The following ADARB2 variants were observed in gnomAD, a reference collection of about 807,000 sequenced individuals.
The protein encoded by ADARB2 is adenosine deaminase RNA specific B2 (inactive).
In ADARB2, 25 loss-of-function variants were observed where a neutral mutation model predicts 62.2. The ratio of observed to expected loss-of-function variants is 0.40; its 90% CI spans 0.29 to 0.56. ADARB2 has a LOEUF of 0.56. Among genes scored for constraint, ADARB2 ranks in the 20% least tolerant of loss-of-function variants. The pLI is 0.43. For missense variants in ADARB2, 1,071 were observed against 1,077.4 expected, an observed-to-expected ratio of 0.99 and a Z score of 0.08; for synonymous variants, 572 against 500.8, an observed-to-expected ratio of 1.14 and a Z score of -1.90.
intron 1 of ADARB2, among the ~76,000 whole-genome samples, chr10:1,452,346 T>G (rs1237945509): frequency 6.6e-6 from 1 of 152,038 alleles, no homozygotes; most frequent in Admixed American, 6.6e-5. Flanking sequence ...GTAATAATAA[T>G]AATAACAATA....
At chr10:1,626,203 C>T (rs574431243) in intron 1 of ADARB2, among the ~76,000 whole-genome samples, 19 of 142,560 alleles carry the variant, frequency 1.3e-4, no homozygotes, top group African/African-American at 4.8e-4. Flanking sequence ...TGCCCACGCT[C>T]GCTCCTGCAT....
intron 1 of ADARB2, among the ~76,000 whole-genome samples, chr10:1,618,928 C>T (rs1833675989): frequency 1.3e-5 from 2 of 152,154 alleles, no homozygotes; most frequent in South Asian, 2.1e-4. Context: ...AAACCCCTGC[C>T]CCCTGCAGCT....
intron 3 of ADARB2, among the ~76,000 whole-genome samples, chr10:1,327,504 GCC>G (rs1448806502): frequency 2.3e-4 from 15 of 65,066 alleles, no homozygotes; most frequent in South Asian, 5.1e-4. Flanking sequence ...CCTCCTCACT[GCC>G]CAGCGCCTCC....
At chr10:1,362,379 C>G (rs374907303) in intron 3 of ADARB2, among the ~76,000 whole-genome samples, 1 of 152,226 alleles carries the variant, frequency 6.6e-6, no homozygotes, top group Non-Finnish European at 1.5e-5. Context: ...TTGTCCAGTT[C>G]TTTGCTCAAG....
Position 1,704,048 on chromosome 10 carries a change from TAAAAG to T in ADARB2, c.100+32998_100+33002del, listed in dbSNP as rs1482516616. ...CAAGTTACCTCAAGAGTTAGTATCT[TAAAAG>T]AACAAACACTATATCTAACTTCCTG... On this transcript the variant is annotated intron_variant, in intron 1 of 9. Coordinates refer to ENST00000381312, the MANE Select transcript of ADARB2 (RefSeq NM_018702.4). The surrounding 1 kb of genome is among the most constrained non-coding windows in gnomAD (Gnocchi z 5.6). Among the ~76,000 whole-genome samples the T allele has an allele frequency of 2.6e-5, 4 of 152,106 alleles. No homozygotes were observed. The East Asian group carries it at 5.8e-4, about 22-fold the overall frequency.
In ADARB2 at chr10:1,456,876, C is replaced by T. The variant is rs147020415; in HGVS notation, c.101-77716G>A. ...ATGGCACGATCTTGGCTCACTGCAG[C>T]CTCCCCATCCCAGGTTCAAGCGATT... On this transcript the variant is annotated intron_variant, in intron 1 of 9. Coordinates refer to ENST00000381312, the MANE Select transcript of ADARB2 (RefSeq NM_018702.4). 4.7e-3 allele frequency among the ~76,000 whole-genome samples: 717 copies of T among 152,226 alleles called. 5 individuals carry two copies. Among genetic ancestry groups the T allele is most frequent in the African/African-American group, 0.017 (687 of 41,526 alleles).
chr10:1,485,634 A>G (rs990804052), intron 1 of ADARB2, among the ~76,000 whole-genome samples: 2 of 152,186 alleles, frequency 1.3e-5, no homozygotes, highest in Non-Finnish European at 2.9e-5. Context: ...AGGCTGAAAC[A>G]CTAACTTGTT....
rs534265047 is a variant in ADARB2, at chr10:1,474,483, G to A, written c.101-95323C>T. On this transcript the variant is annotated intron_variant, in intron 1 of 9. Coordinates refer to ENST00000381312, the MANE Select transcript of ADARB2 (RefSeq NM_018702.4). ...TTCTGCGGGCTAGGAGGAGGGGGAT[G>A]CATCCCAGGAGGCTGGTGGCACCCA... is the stretch of plus-strand genomic sequence containing the variant. Among the ~76,000 whole-genome samples, 244 of 152,332 alleles carry A rather than the reference G, an allele frequency of 1.6e-3. 1 individual carries two copies. The highest frequency in any genetic ancestry group is 6.8e-3 in the Middle Eastern group (2 of 294).
chr10:1,321,832 G>T (rs916646769), intron 3 of ADARB2, among the ~76,000 whole-genome samples: 1 of 152,200 alleles, frequency 6.6e-6, no homozygotes, highest in African/African-American at 2.4e-5. Context: ...AGGAGGCTAA[G>T]TAGGTTCCAT....
At chr10:1,352,145 C>T (rs1440038524) in intron 3 of ADARB2, among the ~76,000 whole-genome samples, 2 of 151,932 alleles carry the variant, frequency 1.3e-5, no homozygotes, top group Non-Finnish European at 2.9e-5. Flanking sequence ...AAATTTCTTC[C>T]TCATCTGTTA....
intron 5 of ADARB2, among the ~76,000 whole-genome samples, chr10:1,241,338 T>C (rs1333618837): frequency 6.6e-6 from 1 of 152,230 alleles, no homozygotes; most frequent in African/African-American, 2.4e-5. Context: ...GCCTTTCTCC[T>C]TTTGTGTGGC....
chr10:1,538,555 C>G (rs1219921025), intron 1 of ADARB2, among the ~76,000 whole-genome samples: 1 of 152,224 alleles, frequency 6.6e-6, no homozygotes, highest in Non-Finnish European at 1.5e-5. Context: ...GGACGCACAC[C>G]TGACCCAGAC....
intron 1 of ADARB2, among the ~76,000 whole-genome samples, chr10:1,423,878 A>G (rs1427952705): frequency 1.3e-5 from 2 of 152,198 alleles, no homozygotes; most frequent in Non-Finnish European, 2.9e-5. Flanking sequence ...ACCACTATGT[A>G]TGCAGTAGGT....
At chr10:1,443,619 T>G (rs1449894383) in intron 1 of ADARB2, among the ~76,000 whole-genome samples, 1 of 152,186 alleles carries the variant, frequency 6.6e-6, no homozygotes, top group Non-Finnish European at 1.5e-5. Context: ...TTAAGACTAT[T>G]AAGACATTAA....
chr10:1,595,474 A>G (rs1028016526), intron 1 of ADARB2, among the ~76,000 whole-genome samples: 3 of 152,202 alleles, frequency 2.0e-5, no homozygotes, highest in Non-Finnish European at 4.4e-5. Context: ...TTGTATTAGA[A>G]AAAATAGTGT....
intron 7 of ADARB2, among the ~76,000 whole-genome samples, chr10:1,203,357 G>A (rs1039085051): frequency 1.3e-5 from 2 of 152,130 alleles, no homozygotes; most frequent in African/African-American, 2.4e-5. Flanking sequence ...GTGGGTTGAC[G>A]ACACCTCAGG....
intron 1 of ADARB2, 45 bp from the exon 2 acceptor site, chr10:1,379,205 G>A (rs200533961): frequency 1.1e-4 from 160 of 1,475,570 alleles, no homozygotes; most frequent in East Asian, 2.0e-4. Context: ...ATGGAGTTGC[G>A]GAAAAACTCA....
intron 2 of ADARB2, among the ~76,000 whole-genome samples, chr10:1,369,766 A>AT (rs1832351057): frequency 6.6e-6 from 1 of 152,190 alleles, no homozygotes; most frequent in Non-Finnish European, 1.5e-5. Context: ...CTCCTGAGTC[A>AT]TCCCCTCTGT....
At chr10:1,352,584 A>G (rs112087278) in intron 3 of ADARB2, among the ~76,000 whole-genome samples, 2 of 152,218 alleles carry the variant, frequency 1.3e-5, no homozygotes, top group African/African-American at 4.8e-5. Flanking sequence ...TCATGTCTGC[A>G]TGCAGCGGCT....
Sources: allele counts gnomAD v4.1 joint callset (sites outside exome capture counted in the v4.1 genomes callset), GRCh38; gene constraint gnomAD v4.1.1; non-coding constraint Gnocchi (gnomAD v3.1); transcripts MANE v1.5; gene names NCBI Gene and HGNC (gene_info 2026-07-23, HGNC 2026-07-21).